AGPAT4: variants seen among roughly 807,000 people sequenced by gnomAD.
AGPAT4 encodes the protein 1-acylglycerol-3-phosphate O-acyltransferase 4, also known as 1-acyl-sn-glycerol-3-phosphate acyltransferase delta.
In AGPAT4, 15 loss-of-function variants were observed where a neutral mutation model predicts 48.0. The observed-to-expected ratio is 0.31, with a 90% CI of 0.21 to 0.48. The LOEUF (loss-of-function observed/expected upper bound fraction) is 0.48, where lower values mean the gene tolerates loss of function less well. Among genes scored for constraint, AGPAT4 ranks in the 20% least tolerant of loss-of-function variants. The probability of loss-of-function intolerance (pLI) is 0.99; values close to 1 mark genes in which losing one functional copy is unlikely to be tolerated. For missense variants in AGPAT4, 314 were observed against 482.5 expected, an observed-to-expected ratio of 0.65 and a Z score of 3.27; for synonymous variants, 178 against 198.7, an observed-to-expected ratio of 0.90 and a Z score of 0.88.
Position 161,243,305 on chromosome 6 carries a change from G to C in AGPAT4, c.-89-11003C>G, listed in dbSNP as rs1782550488. 6.6e-6 allele frequency among the ~76,000 whole-genome samples: 1 copy of C among 152,112 alleles called. No homozygotes were observed. Among genetic ancestry groups the C allele is most frequent in the African/African-American group, 2.4e-5 (1 of 41,420 alleles). ...CCCAAGACCCGGCCCTGGGCCGGCA[G>C]AAGCAGGCGTGAGGTGGCTGGCATC... On this transcript the variant is annotated intron_variant, in intron 1 of 8. Coordinates refer to ENST00000320285, the MANE Select transcript of AGPAT4 (RefSeq NM_020133.3). The surrounding 1 kb of genome is among the most constrained non-coding windows in gnomAD (Gnocchi z 4.8).
chr6:161,189,244 C>T lies in AGPAT4; in HGVS notation c.179-22827G>A, dbSNP rs1158340743. Among the ~76,000 whole-genome samples the T allele has an allele frequency of 1.3e-5, 2 of 152,146 alleles. No individual in the cohort carries two copies. The highest frequency in any genetic ancestry group is 2.9e-5 in the Non-Finnish European group (2 of 68,028). ...CCAAGGCCAGGAATTAGGAGGCTTT[C>T]CCATCTGCGGACTGTCCTGCCTCCT... On this transcript the variant is annotated intron_variant, in intron 2 of 8. Transcript: ENST00000320285. This position sits in a 1 kb window ranked among gnomAD's most constrained non-coding sequence, Gnocchi z 5.3.
chr6:161,150,471 TAAAAGGAGTGGGAGA>T (rs1254808286), intron 5 of AGPAT4, among the ~76,000 whole-genome samples: 1 of 152,202 alleles, frequency 6.6e-6, no homozygotes, highest in Admixed American at 6.5e-5. Context: ...CAAGTATTAA[TAAAAGGAGTGGGAGA>T]ATGGCAGGAA....
In AGPAT4 at chr6:161,245,158, G is replaced by C. The variant is rs12197517; in HGVS notation, c.-89-12856C>G. On this transcript the variant is annotated intron_variant, in intron 1 of 8. Coordinates refer to ENST00000320285, the MANE Select transcript of AGPAT4 (RefSeq NM_020133.3). The surrounding 1 kb of genome is among the most constrained non-coding windows in gnomAD (Gnocchi z 5.2). Reference sequence around the variant, plus strand: ...CATGGTGGAATAAATAAATGCAGCAGGGGAGGTAGCCAGTATTTAGAGTCA... The same window carrying C: ...CATGGTGGAATAAATAAATGCAGCACGGGAGGTAGCCAGTATTTAGAGTCA... Among the ~76,000 whole-genome samples, 17,605 of 152,316 alleles carry C rather than the reference G, an allele frequency of 0.12. 1,297 individuals carry two copies. Among genetic ancestry groups the C allele is most frequent in the Non-Finnish European group, 0.17 (11,356 of 68,026 alleles).
Position 161,180,302 on chromosome 6 carries a change from T to C in AGPAT4, c.179-13885A>G, listed in dbSNP as rs1780547476. ...TCCTCTCTGCAGCCCATCCCAGAAG[T>C]GCCATGGAGAATTTCTACTAAAACA... On this transcript the variant is annotated intron_variant, in intron 2 of 8. Transcript: ENST00000320285. The surrounding 1 kb of genome is among the most constrained non-coding windows in gnomAD (Gnocchi z 6.4). Among the ~76,000 whole-genome samples the C allele has an allele frequency of 6.6e-6, 1 of 152,154 alleles. No individual in the cohort carries two copies. Among genetic ancestry groups the C allele is most frequent in the South Asian group, 2.1e-4 (1 of 4,834 alleles).
In AGPAT4 at chr6:161,141,619, C is replaced by T. The variant is rs756441809; in HGVS notation, c.844-1999G>A. Among the ~76,000 whole-genome samples, 1 of 151,892 alleles carries T rather than the reference C, an allele frequency of 6.6e-6. No homozygotes were observed. The highest frequency in any genetic ancestry group is 1.5e-5 in the Non-Finnish European group (1 of 68,002). On this transcript the variant is annotated intron_variant, in intron 7 of 8. Coordinates refer to ENST00000320285, the MANE Select transcript of AGPAT4 (RefSeq NM_020133.3). The surrounding 1 kb of genome is among the most constrained non-coding windows in gnomAD (Gnocchi z 6.7). ...AAAAAACAGCTTTCTTAAGATGTCA[C>T]TTACATGCCATAGAACTCACCCATT...
chr6:161,230,017 AGTT>A (rs1458541669), intron 2 of AGPAT4, among the ~76,000 whole-genome samples: 8 of 152,180 alleles, frequency 5.3e-5, no homozygotes, highest in Non-Finnish European at 7.3e-5. Context: ...TTAATTCTTG[AGTT>A]TCATTTGGAG....
chr6:161,164,295 C>G lies in AGPAT4; in HGVS notation c.348+1953G>C, dbSNP rs77716905. On this transcript the variant is annotated intron_variant, in intron 3 of 8. Transcript: ENST00000320285. This position sits in a 1 kb window ranked among gnomAD's most constrained non-coding sequence, Gnocchi z 7.4. ...CCTTCTCCCTCATCTGTGCCTGTCC[C>G]CGTGCCTGCTAGTGCTGGGCATCTG... 9.4e-3 allele frequency among the ~76,000 whole-genome samples: 1,428 copies of G among 152,346 alleles called. 24 individuals are homozygous for G. Among genetic ancestry groups the G allele is most frequent in the African/African-American group, 0.033 (1,378 of 41,578 alleles).
In AGPAT4 at chr6:161,137,635, AGAG is replaced by A. The variant is rs1193685820; in HGVS notation, c.1043-1004_1043-1002del. Among the ~76,000 whole-genome samples the A allele has an allele frequency of 3.9e-4, 57 of 144,574 alleles. No homozygotes were observed. Among genetic ancestry groups the A allele is most frequent in the African/African-American group, 1.5e-3 (51 of 34,918 alleles). 94.8% of individuals were successfully genotyped at this position (144,574 alleles called of 152,430 possible). On this transcript the variant is annotated intron_variant, in intron 8 of 8. Coordinates refer to ENST00000320285, the MANE Select transcript of AGPAT4 (RefSeq NM_020133.3). The surrounding 1 kb of genome is among the most constrained non-coding windows in gnomAD (Gnocchi z 6.1). The stretch of plus-strand genomic sequence containing the variant: ...AAAACGTGGACCGTGTGGCCTTGGA[AGAG>A]GAGTAAAGAACACAAACACAAAGTC...
At chr6:161,176,097 G>C (rs1240522126) in intron 2 of AGPAT4, among the ~76,000 whole-genome samples, 4 of 152,210 alleles carry the variant, frequency 2.6e-5, no homozygotes, top group Non-Finnish European at 5.9e-5. Flanking sequence ...GTGGTGCTGA[G>C]AAGAATGTAT....
Position 161,156,787 on chromosome 6 carries a change from C to T in AGPAT4, c.349-2477G>A, listed in dbSNP as rs138676810. ...TTACCAGAATGAGGGCAAGGAACAC[C>T]TAGCCTGCCCAGGGCGGAAAACCGC... On this transcript the variant is annotated intron_variant, in intron 3 of 8. Transcript: ENST00000320285. 3.1e-3 allele frequency among the ~76,000 whole-genome samples: 469 copies of T among 152,348 alleles called. 4 individuals are homozygous for T. Among genetic ancestry groups the T allele is most frequent in the African/African-American group, 0.01 (434 of 41,582 alleles).
At position 161,139,562 on chromosome 6, in the gene AGPAT4, G is replaced by T. The variant is rs1322057066; in HGVS notation, c.902C>A (p.Pro301His). The change falls in exon 8 of 9, where the codon CCC becomes CAC. Residue 301 changes from proline (P) to histidine (H), a missense_variant. Transcript: ENST00000320285. The surrounding 1 kb of genome is among the most constrained non-coding windows in gnomAD (Gnocchi z 9.1). Reference protein sequence around the residue: ...TGTFPETPMVPPRRPWTLVNW... With the variant: ...TGTFPETPMVHPRRPWTLVNW... ...CACGAGGGTCCAGGGCCGCCGGGGG[G>T]GCACCATGGGCGTCTCTGGGAAGGT... 6.2e-7 allele frequency: 1 copy of T among 1,613,938 alleles called. No individual in the cohort carries two copies. Among genetic ancestry groups the T allele is most frequent in the Non-Finnish European group, 8.5e-7 (1 of 1,179,906 alleles).
In AGPAT4 at chr6:161,200,378, T is replaced by C. The variant is rs1373517486; in HGVS notation, c.178+31658A>G. On this transcript the variant is annotated intron_variant, in intron 2 of 8. Coordinates refer to ENST00000320285, the MANE Select transcript of AGPAT4 (RefSeq NM_020133.3). This position sits in a 1 kb window ranked among gnomAD's most constrained non-coding sequence, Gnocchi z 5.5. ...ATGCACAGTAAATGATGGAGTGCGC[T>C]GTCTGAATTCAGAGAGTTTTATCTT... 6.6e-6 allele frequency among the ~76,000 whole-genome samples: 1 copy of C among 152,234 alleles called. No homozygotes were observed. The highest frequency in any genetic ancestry group is 1.5e-5 in the Non-Finnish European group (1 of 68,042).
rs999429005 is a variant in AGPAT4, at chr6:161,145,282, T to A, written c.843+1242A>T. The stretch of plus-strand genomic sequence containing the variant: ...ACCTGCAGAGACAGAATCACTGGGG[T>A]TCGGGCCTGGGAATCTGCACAACTC... On this transcript the variant is annotated intron_variant, in intron 7 of 8. Transcript: ENST00000320285. Among the ~76,000 whole-genome samples the A allele has an allele frequency of 1.3e-5, 2 of 151,678 alleles. 1 individual carries two copies. The highest frequency in any genetic ancestry group is 4.9e-5 in the African/African-American group (2 of 40,938).
At chr6:161,263,717 C>A (rs946153597) in intron 1 of AGPAT4, among the ~76,000 whole-genome samples, 1 of 152,040 alleles carries the variant, frequency 6.6e-6, no homozygotes, top group Non-Finnish European at 1.5e-5. Flanking sequence ...TTTCAGTGAC[C>A]CCCACAACAT....
At position 161,234,425 on chromosome 6, in the gene AGPAT4, T is replaced by C. The variant is rs1582896917; in HGVS notation, c.-89-2123A>G. On this transcript the variant is annotated intron_variant, in intron 1 of 8. Transcript: ENST00000320285. This position sits in a 1 kb window ranked among gnomAD's most constrained non-coding sequence, Gnocchi z 4.4. ...CCTGCAGGGTCTGAATCATCACATC[T>C]CTGGCCTTTCGCAGACGGCATTTCC... Among the ~76,000 whole-genome samples, 1 of 151,948 alleles carries C rather than the reference T, an allele frequency of 6.6e-6. No homozygotes were observed. Among genetic ancestry groups the C allele is most frequent in the East Asian group, 1.9e-4 (1 of 5,168 alleles).
chr6:161,171,733 CA>C lies in AGPAT4; in HGVS notation c.179-5317del, dbSNP rs36059455. On this transcript the variant is annotated intron_variant, in intron 2 of 8. Transcript: ENST00000320285. The surrounding 1 kb of genome is among the most constrained non-coding windows in gnomAD (Gnocchi z 4.4). ...TGAAACCCTGTCTCTACTAAAAATA[CA>C]AAAAAAAAAAAAAAAATTAGCTGGG... is the stretch of plus-strand genomic sequence containing the variant. 0.18 allele frequency among the ~76,000 whole-genome samples: 20,742 copies of C among 117,578 alleles called. 1,543 individuals carry two copies. The highest frequency in any genetic ancestry group is 0.24 in the African/African-American group (7,944 of 33,038). The allele number at this position is 117,578 out of a possible 152,430, so 77.1% of individuals were successfully genotyped here.
Position 161,235,819 on chromosome 6 carries a change from A to C in AGPAT4, c.-89-3517T>G, listed in dbSNP as rs1782258309. ...AAGGGGGTACAGTGCTAAACCATTC[A>C]TGAGAACTCCGCCCCCGTGATCCAA... is the stretch of plus-strand genomic sequence containing the variant. On this transcript the variant is annotated intron_variant, in intron 1 of 8. Transcript: ENST00000320285. The surrounding 1 kb of genome is among the most constrained non-coding windows in gnomAD (Gnocchi z 6.2). Among the ~76,000 whole-genome samples the C allele has an allele frequency of 6.6e-6, 1 of 152,158 alleles. No individual in the cohort carries two copies. Among genetic ancestry groups the C allele is most frequent in the South Asian group, 2.1e-4 (1 of 4,822 alleles).
chr6:161,136,566 C>CA lies in AGPAT4; in HGVS notation c.1110dup (p.Asp371Ter), dbSNP rs767615245. On this transcript the variant is annotated frameshift_variant, in exon 9 of 9. Transcript: ENST00000320285. LOFTEE classifies it high-confidence loss of function. ...CAGTCATTCAGTTTCTGCTTGCTGT[C>CA]AGAGTTGCCGTAGGCAGAGCCCTTG... 8.7e-6 allele frequency: 14 copies of CA among 1,614,194 alleles called. No individual in the cohort carries two copies. The highest frequency in any genetic ancestry group is 1.3e-5 in the African/African-American group (1 of 75,072).
In AGPAT4 at chr6:161,165,762, G is replaced by C. The variant is rs1217747381; in HGVS notation, c.348+486C>G. 1 of 682,936 alleles carries C rather than the reference G, an allele frequency of 1.5e-6. No individual in the cohort carries two copies. The highest frequency in any genetic ancestry group is 1.5e-5 in the South Asian group (1 of 68,146). 42.3% of individuals were successfully genotyped at this position (682,936 alleles called of 1,614,324 possible). On this transcript the variant is annotated intron_variant, in intron 3 of 8. Transcript: ENST00000320285. The surrounding 1 kb of genome is among the most constrained non-coding windows in gnomAD (Gnocchi z 5.5). ...GAATTTCAGAATAATTCTGAATTTT[G>C]CAGTTCACTCTCTCACTTATGGACT...
Sources: allele counts gnomAD v4.1 joint callset (sites outside exome capture counted in the v4.1 genomes callset), GRCh38; gene constraint gnomAD v4.1.1; non-coding constraint Gnocchi (gnomAD v3.1); transcripts MANE v1.5; gene names NCBI Gene and HGNC (gene_info 2026-07-23, HGNC 2026-07-21).